The following DIAPH3 variants were observed in gnomAD, a reference collection of about 807,000 sequenced individuals.
DIAPH3 encodes protein diaphanous homolog 3.
In DIAPH3, 117 loss-of-function variants were observed where a neutral mutation model predicts 144.3. The observed-to-expected ratio is 0.81, with a 90% CI of 0.70 to 0.95. The LOEUF is 0.95. DIAPH3 is among the 40% of genes least tolerant of loss of function. The probability of loss-of-function intolerance (pLI) is 0.00; values close to 1 mark genes in which losing one functional copy is unlikely to be tolerated. For synonymous variants in DIAPH3, 519 were observed against 488.9 expected (o/e 1.06, Z -0.81); for missense variants, 1,421 against 1,412.7 (o/e 1.01, Z -0.09).
chr13:59,752,650 G>A (rs897347768), intron 27 of DIAPH3, among the ~76,000 whole-genome samples: 12 of 152,146 alleles, frequency 7.9e-5, no homozygotes. Flanking sequence ...TTACAGACGT[G>A]AGCCACTGCA....
chr13:60,002,821 T>C (rs1019631591), intron 9 of DIAPH3, among the ~76,000 whole-genome samples: 7 of 152,340 alleles, frequency 4.6e-5, no homozygotes, highest in African/African-American at 1.7e-4. Flanking sequence ...ATCAGTCGTA[T>C]GACCAACAGC....
intron 20 of DIAPH3, among the ~76,000 whole-genome samples, chr13:59,888,329 C>T (rs375721517): frequency 8.6e-5 from 13 of 152,024 alleles, no homozygotes; most frequent in Admixed American, 3.3e-4. Context: ...GAAATGGAGT[C>T]GGCCAGCACC....
chr13:59,719,073 A>T (rs903090381), intron 27 of DIAPH3, among the ~76,000 whole-genome samples: 1 of 152,168 alleles, frequency 6.6e-6, no homozygotes, highest in Non-Finnish European at 1.5e-5. Flanking sequence ...TCTAAATAGC[A>T]CTCAATTTTC....
intron 1 of DIAPH3, among the ~76,000 whole-genome samples, chr13:60,149,584 C>T (rs946040888): frequency 6.6e-5 from 10 of 151,976 alleles, no homozygotes; most frequent in Admixed American, 1.3e-4. Flanking sequence ...GACCCTGTCT[C>T]TATAAAATAT....
intron 21 of DIAPH3, among the ~76,000 whole-genome samples, chr13:59,864,349 T>C (rs1407396742): frequency 6.6e-6 from 1 of 152,048 alleles, no homozygotes; most frequent in Non-Finnish European, 1.5e-5. Flanking sequence ...GTAGCAAAGA[T>C]CCTTTATCTC....
At chr13:59,839,018 G>A (rs2042193160) in intron 23 of DIAPH3, 3 of 290,304 alleles carry the variant, frequency 1.0e-5, no homozygotes. Context: ...GACTGAGGCA[G>A]GAGAATTGCT....
intron 4 of DIAPH3, among the ~76,000 whole-genome samples, chr13:60,071,253 A>G (rs1374015581): frequency 1.3e-5 from 2 of 152,094 alleles, no homozygotes; most frequent in African/African-American, 4.8e-5. Context: ...CTCTTTTATC[A>G]TCTTCCTTTT....
At chr13:60,003,642 C>T (rs2052667938) in intron 9 of DIAPH3, among the ~76,000 whole-genome samples, 1 of 151,752 alleles carries the variant, frequency 6.6e-6, no homozygotes, top group African/African-American at 2.4e-5. Context: ...GGCGCGATCT[C>T]GGCTCACTGC....
intron 27 of DIAPH3, among the ~76,000 whole-genome samples, chr13:59,712,647 C>T (rs2138840975): frequency 6.6e-6 from 1 of 152,322 alleles, no homozygotes; most frequent in Non-Finnish European, 1.5e-5. Context: ...TTGGGGGAGG[C>T]TCACCTTCAG....
intron 7 of DIAPH3, among the ~76,000 whole-genome samples, chr13:60,013,758 T>C (rs182668326): frequency 6.6e-6 from 1 of 152,230 alleles, no homozygotes; most frequent in East Asian, 1.9e-4. Flanking sequence ...ACTGTATAAG[T>C]GAGGTTTAAC....
chr13:59,861,688 C>A, intron 21 of DIAPH3, 152 bp from the exon 22 acceptor site: 3 of 823,016 alleles, frequency 3.6e-6, no homozygotes, highest in Non-Finnish European at 1.9e-6. Flanking sequence ...TTTAAATACT[C>A]GAAAAACTAC....
intron 27 of DIAPH3, among the ~76,000 whole-genome samples, chr13:59,716,331 A>G (rs975976460): frequency 3.3e-5 from 5 of 151,894 alleles, no homozygotes; most frequent in Admixed American, 6.6e-5. Flanking sequence ...GCCCGCCACC[A>G]CGCCCGGCTA....
At chr13:60,126,111 T>C (rs1329768399) in intron 2 of DIAPH3, among the ~76,000 whole-genome samples, 1 of 152,140 alleles carries the variant, frequency 6.6e-6, no homozygotes, top group Non-Finnish European at 1.5e-5. Context: ...GTTGAAAACT[T>C]CAGAGGTGAT....
intron 7 of DIAPH3, chr13:60,013,211 C>A: frequency 1.0e-6 from 1 of 985,368 alleles, no homozygotes; most frequent in Non-Finnish European, 1.2e-6. Context: ...CCAGGTTCCG[C>A]CTGCATTCCA....
At chr13:59,693,776 C>T (rs1042270282) in intron 27 of DIAPH3, among the ~76,000 whole-genome samples, 11 of 151,976 alleles carry the variant, frequency 7.2e-5, no homozygotes, top group Non-Finnish European at 1.6e-4. Flanking sequence ...AAACTTGAAG[C>T]TTTAATTTAT....
chr13:60,148,511 T>C (rs1386804606), intron 1 of DIAPH3, among the ~76,000 whole-genome samples: 4 of 152,164 alleles, frequency 2.6e-5, no homozygotes, highest in Admixed American at 2.6e-4. Context: ...AAAGCACTAA[T>C]CTAAGTGGTA....
chr13:59,749,480 AC>A (rs2036885115), intron 27 of DIAPH3, among the ~76,000 whole-genome samples: 2 of 139,858 alleles, frequency 1.4e-5, no homozygotes, highest in Admixed American at 1.5e-4. Context: ...AGATTGTGCC[AC>A]TGCACTCCAG....
intron 24 of DIAPH3, among the ~76,000 whole-genome samples, chr13:59,829,394 A>T (rs1307170929): frequency 6.6e-6 from 1 of 151,936 alleles, no homozygotes; most frequent in African/African-American, 2.4e-5. Flanking sequence ...TCAGCCACAT[A>T]TGGTATAGAC....
intron 27 of DIAPH3, among the ~76,000 whole-genome samples, chr13:59,750,975 G>A (rs1281881873): frequency 6.6e-6 from 1 of 152,214 alleles, no homozygotes; most frequent in Non-Finnish European, 1.5e-5. Context: ...CCACATAGTG[G>A]CACTGTCAGC....
Sources: gnomAD v4.1 joint callset for allele counts (sites outside exome capture counted in the v4.1 genomes callset) on GRCh38, gnomAD v4.1.1 for gene constraint, MANE v1.5 for transcripts, NCBI Gene and HGNC (gene_info 2026-07-23, HGNC 2026-07-21) for gene names.